The following RABGAP1 variants were observed in gnomAD, a reference collection of about 807,000 sequenced individuals.
RABGAP1 encodes the protein RAB GTPase activating protein 1.
RABGAP1 carries 23 observed loss-of-function variants against 137.6 expected under a neutral mutation model. The observed-to-expected ratio is 0.17, with a 90% CI of 0.12 to 0.24. The LOEUF (loss-of-function observed/expected upper bound fraction) is 0.24, where lower values mean the gene tolerates loss of function less well. RABGAP1 is among the 10% of genes least tolerant of loss of function. The pLI is 1.00. For missense variants in RABGAP1, 906 were observed against 1,275.8 expected, an observed-to-expected ratio of 0.71 and a Z score of 4.42; for synonymous variants, 451 against 450.7, an observed-to-expected ratio of 1.00 and a Z score of -0.01.
At chr9:123,023,122 A>C (rs1023797023) in intron 13 of RABGAP1, among the ~76,000 whole-genome samples, 1 of 152,050 alleles carries the variant, frequency 6.6e-6, no homozygotes, top group South Asian at 2.1e-4. Context: ...TACCCTTACT[A>C]CACCCCTGAG....
At chr9:123,051,958 ATTT>A (rs58591585) in intron 13 of RABGAP1, among the ~76,000 whole-genome samples, 8 of 130,674 alleles carry the variant, frequency 6.1e-5, no homozygotes, top group South Asian at 2.5e-4. Context: ...CGCCCGGCTA[ATTT>A]TTTTTTTTTT....
intron 13 of RABGAP1, chr9:123,034,235 C>T (rs1010283501): frequency 1.2e-5 from 4 of 345,916 alleles, no homozygotes; most frequent in African/African-American, 8.5e-5. Context: ...TCTCTTCTAC[C>T]CTTTCCCCCT....
chr9:122,957,208 A>C lies in RABGAP1; in HGVS notation c.149A>C (p.Lys50Thr), dbSNP rs763351938. Reference protein sequence around the residue: ...NGSDDEKTGLKIVGNGSEQQL... With the variant: ...NGSDDEKTGLTIVGNGSEQQL... ...AGTGATGATGAGAAAACAGGACTCA[A>C]GGTAAAACTCCCTAACCTAAGATTG... is the stretch of plus-strand genomic sequence containing the variant. The change falls in exon 2 of 26, where the codon AAG (lysine) becomes ACG (threonine). Residue 50 changes from lysine (K) to threonine (T), a missense_variant and splice_region_variant. Lys to Thr is a moderately conservative substitution (Grantham distance 78). Transcript: ENST00000373647. 6.6e-7 allele frequency: 1 copy of C among 1,518,180 alleles called. No homozygotes were observed. Among genetic ancestry groups the C allele is most frequent in the Non-Finnish European group, 9.0e-7 (1 of 1,114,842 alleles). The allele number at this position is 1,518,180 out of a possible 1,614,324, so 94.0% of individuals were successfully genotyped here. A position where few individuals can be genotyped will look rare whatever the true frequency, so the allele number is the denominator to read the frequency against.
chr9:122,991,602 TC>T (rs1836725204), intron 6 of RABGAP1, among the ~76,000 whole-genome samples: 2 of 142,060 alleles, frequency 1.4e-5, no homozygotes, highest in African/African-American at 6.2e-5. Flanking sequence ...ATTCTCTCTC[TC>T]TCTTTTTTTT....
At chr9:122,936,094 A>G (rs1588137264), upstream of RABGAP1, among the ~76,000 whole-genome samples, 1 of 151,926 alleles carries the variant, frequency 6.6e-6, no homozygotes, top group African/African-American at 2.4e-5. Context: ...CAGCTTAATT[A>G]TAATATATTT....
At chr9:123,058,441 ATTC>A (rs1169887736) in intron 13 of RABGAP1, among the ~76,000 whole-genome samples, 9 of 152,240 alleles carry the variant, frequency 5.9e-5, no homozygotes, top group African/African-American at 1.9e-4. Flanking sequence ...GAATGGTAAA[ATTC>A]TTCTTTTTCC....
chr9:123,016,187 T>C (rs550865327), intron 12 of RABGAP1, among the ~76,000 whole-genome samples: 66 of 152,330 alleles, frequency 4.3e-4, no homozygotes, highest in African/African-American at 1.2e-3. Flanking sequence ...TAAGAAGCAC[T>C]ATCCTATAGG....
chr9:122,986,188 C>G (rs866802454), intron 3 of RABGAP1, 27 bp from the exon 4 acceptor site: 3 of 1,585,702 alleles, frequency 1.9e-6, no homozygotes, highest in African/African-American at 2.7e-5. Context: ...TGAAAGTAAT[C>G]ACTTCCTTAT....
chr9:122,957,155 A>T lies in RABGAP1; in HGVS notation c.96A>T (p.Gly32=). 1 of 1,573,658 alleles carries T rather than the reference A, an allele frequency of 6.4e-7. No individual in the cohort carries two copies. ...ATTTTGTCTTGGTTTCCAGGCAAGG[A>T]GATGAGACACCATCTACAAATAATG... ...SEDFVLVSRQ[G]DETPSTNNGS... The change falls in exon 2 of 26, where the codon GGA becomes GGT. Residue 32 remains glycine, a synonymous_variant. Transcript: ENST00000373647.
intron 13 of RABGAP1, chr9:123,035,029 C>G: frequency 1.2e-6 from 2 of 1,613,810 alleles, no homozygotes; most frequent in South Asian, 2.2e-5. Context: ...CCTGATTTGG[C>G]TATACTCGAC....
chr9:123,090,406 G>A, intron 21 of RABGAP1, 21 bp downstream of exon 21: 4 of 1,556,416 alleles, frequency 2.6e-6, no homozygotes, highest in Non-Finnish European at 3.5e-6. Context: ...CGGGTCTGAA[G>A]GGAAAGATCT....
intron 2 of RABGAP1, among the ~76,000 whole-genome samples, chr9:122,958,699 A>G (rs985802692): frequency 1.4e-4 from 22 of 152,188 alleles, no homozygotes; most frequent in Non-Finnish European, 2.6e-4. Flanking sequence ...AATTTTAAAA[A>G]AAAATTTTTG....
chr9:123,045,852 A>T (rs1467102356), intron 13 of RABGAP1, among the ~76,000 whole-genome samples: 1 of 152,156 alleles, frequency 6.6e-6, no homozygotes, highest in Non-Finnish European at 1.5e-5. Flanking sequence ...TTATTGTGAA[A>T]ATTAGGTACT....
intron 6 of RABGAP1, among the ~76,000 whole-genome samples, chr9:122,993,472 A>G (rs1396085418): frequency 6.6e-6 from 1 of 152,076 alleles, no homozygotes; most frequent in African/African-American, 2.4e-5. Context: ...GGGTTTCACC[A>G]TGTTGGCCAG....
rs778071054 is a variant in RABGAP1 at position 123,089,820 on chromosome 9, C to T, written c.2487C>T (p.Ala829=). 16 of 1,613,626 alleles carry T rather than the reference C, an allele frequency of 9.9e-6. No individual in the cohort carries two copies. Among genetic ancestry groups the T allele is most frequent in the East Asian group, 2.2e-5 (1 of 44,862 alleles). The change falls in exon 20 of 26, where the codon GCC becomes GCT. Residue 829 remains alanine (A), a synonymous_variant. Coordinates refer to ENST00000373647, the MANE Select transcript of RABGAP1 (RefSeq NM_012197.4). ...KEYHTMREQQ[A]QQEDPIERFE... Reference sequence around the variant, plus strand: ...ATCACACCATGAGGGAACAGCAGGCCCAGCAAGAAGACCCCATCGAGCGAT... The same window carrying T: ...ATCACACCATGAGGGAACAGCAGGCTCAGCAAGAAGACCCCATCGAGCGAT...
intron 13 of RABGAP1, among the ~76,000 whole-genome samples, chr9:123,047,222 G>A (rs1340360446): frequency 6.6e-6 from 1 of 152,132 alleles, no homozygotes; most frequent in Non-Finnish European, 1.5e-5. Context: ...ATGTTCTCTT[G>A]ATCACTAGTA....
At position 123,089,867 on chromosome 9, in the gene RABGAP1, C is replaced by A; in HGVS notation, c.2517+17C>A. ...CGATTTGAGGTTTGTTTGCTTATGG[C>A]CTACGTGTGAGGAGCTCCCATGCTT... is the stretch of plus-strand genomic sequence containing the variant. On this transcript the variant is annotated intron_variant, in intron 20 of 25. Coordinates refer to ENST00000373647, the MANE Select transcript of RABGAP1 (RefSeq NM_012197.4). The A allele has an allele frequency of 6.2e-7, 1 of 1,600,518 alleles. No homozygotes were observed. Among genetic ancestry groups the A allele is most frequent in the Non-Finnish European group, 8.6e-7 (1 of 1,168,668 alleles).
chr9:123,045,718 G>A (rs1009463060), intron 13 of RABGAP1, among the ~76,000 whole-genome samples: 11 of 152,162 alleles, frequency 7.2e-5, no homozygotes, highest in African/African-American at 1.9e-4. Context: ...TGATTACTTC[G>A]TACTCTTGGA....
chr9:122,966,412 A>G (rs546347798), intron 2 of RABGAP1, among the ~76,000 whole-genome samples: 1 of 152,156 alleles, frequency 6.6e-6, no homozygotes, highest in East Asian at 1.9e-4. Context: ...AATCCTAGGT[A>G]CTTGGGAGGC....
Sources: allele counts gnomAD v4.1 joint callset (sites outside exome capture counted in the v4.1 genomes callset), GRCh38; gene constraint gnomAD v4.1.1; transcripts MANE v1.5; gene names NCBI Gene and HGNC (gene_info 2026-07-23, HGNC 2026-07-21).